The following NLGN1 variants were observed in gnomAD, a reference collection of about 807,000 sequenced individuals.
The protein encoded by NLGN1 is neuroligin-1.
Under a neutral mutation model 65.5 loss-of-function variants are expected in NLGN1, and 12 were observed. That is an observed-to-expected ratio of 0.18 (90% confidence interval 0.12 to 0.30). The LOEUF is 0.30. NLGN1 is among the 10% of genes least tolerant of loss of function. The pLI, the probability that NLGN1 is intolerant of heterozygous loss-of-function variation, is 1.00. For missense variants in NLGN1, 750 were observed against 1,007.1 expected (o/e 0.74, Z 3.46); for synonymous variants, 350 against 359.5 (o/e 0.97, Z 0.30).
intron 3 of NLGN1, among the ~76,000 whole-genome samples, chr3:173,794,123 C>T (rs147314620): frequency 6.6e-6 from 1 of 152,100 alleles, no homozygotes; most frequent in Admixed American, 6.6e-5. Flanking sequence ...AGCCCTTTGC[C>T]TGCCTGGTGT....
intron 4 of NLGN1, among the ~76,000 whole-genome samples, chr3:174,197,926 A>T (rs1372828090): frequency 6.6e-6 from 1 of 152,102 alleles, no homozygotes; most frequent in Non-Finnish European, 1.5e-5. Context: ...ACGATCTAGT[A>T]TTGACATTTT....
At chr3:173,968,612 C>A (rs1428134685) in intron 4 of NLGN1, among the ~76,000 whole-genome samples, 1 of 149,930 alleles carries the variant, frequency 6.7e-6, no homozygotes, top group Non-Finnish European at 1.5e-5. Context: ...GAGTCCTAAG[C>A]TTTCTGGAAA....
Position 174,158,990 on chromosome 3 carries a change from C to T in NLGN1, c.647-116325C>T, listed in dbSNP as rs999461779. 1.6e-4 allele frequency among the ~76,000 whole-genome samples: 25 copies of T among 151,526 alleles called. No homozygotes were observed. In the East Asian group the frequency reaches 4.1e-3, roughly 25 times the overall value. On this transcript the variant is annotated intron_variant, in intron 4 of 6. Transcript: ENST00000457714. ...TCAAAAATTGTGTTTTTGCAGTCTT[C>T]GAGATGTACAAAATGAAAAGATACA...
At position 173,604,282 on chromosome 3, in the gene NLGN1, A is replaced by G. The variant is rs1299898194; in HGVS notation, c.-317A>G. 1 of 313,956 alleles carries G rather than the reference A, an allele frequency of 3.2e-6. No homozygotes were observed. Among genetic ancestry groups the G allele is most frequent in the Non-Finnish European group, 5.9e-6 (1 of 169,634 alleles). The allele number at this position is 313,956 out of a possible 1,614,324, so 19.4% of individuals were successfully genotyped here. On this transcript the variant is annotated 5_prime_UTR_variant, in exon 3 of 7. The change creates a new upstream start codon in the 5' untranslated region. Transcript: ENST00000457714. Reference sequence around the variant, plus strand: ...GATTTATTTTCATTTTTTCTAGGATATAGACCTGCAGCTAACTGGATTTGA... The same window carrying G: ...GATTTATTTTCATTTTTTCTAGGATGTAGACCTGCAGCTAACTGGATTTGA...
rs527345850 is a variant in NLGN1 at position 173,449,396 on chromosome 3, G to C, written c.-321+14318G>C. On this transcript the variant is annotated intron_variant, in intron 2 of 6. Coordinates refer to ENST00000457714, the Ensembl canonical transcript of NLGN1. The stretch of plus-strand genomic sequence containing the variant: ...TTTTGAGTGAGTTTCTTAATCCTGA[G>C]TTCTAGTTTGATTGCACTGTGGTCT... Among the ~76,000 whole-genome samples, 20 of 152,228 alleles carry C rather than the reference G, an allele frequency of 1.3e-4. No individual in the cohort carries two copies. In the South Asian group the frequency reaches 4.1e-3, roughly 32 times the overall value.
rs1428072088 is a variant in NLGN1, at chr3:173,607,538, TA to T, written c.493+2450del. Among the ~76,000 whole-genome samples the T allele has an allele frequency of 4.7e-4, 72 of 151,828 alleles. 1 individual carries two copies. In the South Asian group the frequency reaches 7.7e-3, roughly 16 times the overall value. On this transcript the variant is annotated intron_variant, in intron 3 of 6. Coordinates refer to ENST00000457714, the Ensembl canonical transcript of NLGN1. Reference sequence around the variant, plus strand: ...TAGTATTTTTAAAATAAACAAAAACTAAAGTTTAGAGTTTAGCTTTTAACTA... The same window carrying T: ...TAGTATTTTTAAAATAAACAAAAACTAAGTTTAGAGTTTAGCTTTTAACTA...
chr3:174,291,092 CAT>C (rs1223576517), downstream of NLGN1, among the ~76,000 whole-genome samples: 3 of 148,488 alleles, frequency 2.0e-5, no homozygotes, highest in Non-Finnish European at 4.5e-5. Flanking sequence ...CTTTAAGAGA[CAT>C]AGAAAAATTT....
At chr3:174,266,286 C>G (rs1748223200) in intron 4 of NLGN1, among the ~76,000 whole-genome samples, 1 of 152,104 alleles carries the variant, frequency 6.6e-6, no homozygotes, top group South Asian at 2.1e-4. Context: ...TTAACCTCCA[C>G]TTACAGGTGA....
intron 4 of NLGN1, among the ~76,000 whole-genome samples, chr3:174,209,681 G>A (rs1736091482): frequency 7.8e-6 from 1 of 128,954 alleles, no homozygotes; most frequent in Admixed American, 9.6e-5. Flanking sequence ...CACCCAGGCT[G>A]GAGTGTAGTG....
chr3:174,287,292 CAA>C (rs35880834), downstream of NLGN1, among the ~76,000 whole-genome samples: 31,456 of 150,958 alleles, frequency 0.21, 3,384 homozygotes, highest in Middle Eastern at 0.28. Context: ...AAGAATACAG[CAA>C]AGAGGACATC....
intron 4 of NLGN1, among the ~76,000 whole-genome samples, chr3:174,171,169 C>A (rs1257259642): frequency 6.6e-6 from 1 of 152,004 alleles, no homozygotes; most frequent in African/African-American, 2.4e-5. Context: ...AGTAATAAAT[C>A]AAATATTTTT....
chr3:173,965,605 A>G (rs1459396836), intron 4 of NLGN1, among the ~76,000 whole-genome samples: 2 of 151,640 alleles, frequency 1.3e-5, no homozygotes, highest in African/African-American at 2.4e-5. Flanking sequence ...GACGTGAGCC[A>G]CCCAACGCGC....
At chr3:174,110,631 G>A (rs1316760084) in intron 4 of NLGN1, among the ~76,000 whole-genome samples, 1 of 151,872 alleles carries the variant, frequency 6.6e-6, no homozygotes, top group Non-Finnish European at 1.5e-5. Flanking sequence ...ATATTCCAAT[G>A]TACAAAGAAG....
chr3:174,131,500 C>A (rs1720183296), intron 4 of NLGN1, among the ~76,000 whole-genome samples: 2 of 152,076 alleles, frequency 1.3e-5, no homozygotes, highest in Admixed American at 1.3e-4. Context: ...ACTCTCTGAA[C>A]TTCAGTTTTC....
intron 2 of NLGN1, among the ~76,000 whole-genome samples, chr3:173,592,503 C>A (rs114699737): frequency 1.3e-5 from 2 of 152,110 alleles, no homozygotes; most frequent in African/African-American, 4.8e-5. Flanking sequence ...TCTATGCACA[C>A]GCCTACATGA....
intron 3 of NLGN1, among the ~76,000 whole-genome samples, chr3:173,777,631 G>GTCTA (rs747269015): frequency 0.041 from 1,476 of 35,938 alleles, 9 homozygotes; most frequent in East Asian, 0.077. Context: ...CTGTCTGTCT[G>GTCTA]TCTATCTATC....
chr3:174,125,878 C>T (rs1718839048), intron 4 of NLGN1, among the ~76,000 whole-genome samples: 4 of 152,072 alleles, frequency 2.6e-5, no homozygotes, highest in Admixed American at 2.6e-4. Context: ...TCAGAAACTA[C>T]TATGCGGTTA....
chr3:174,278,803 T>G, intron 5 of NLGN1, 58 bp from the exon 6 acceptor site: 2 of 1,299,680 alleles, frequency 1.5e-6, no homozygotes, highest in Non-Finnish European at 2.1e-6. Flanking sequence ...CAGATGTTAT[T>G]GTTTTACCAC....
intron 3 of NLGN1, among the ~76,000 whole-genome samples, chr3:173,799,986 T>C (rs984253121): frequency 8.4e-5 from 12 of 143,396 alleles, no homozygotes; most frequent in African/African-American, 3.1e-4. Context: ...CTGTTTACTT[T>C]TTTGTATGCA....
Sources: gnomAD v4.1 joint callset for allele counts (sites outside exome capture counted in the v4.1 genomes callset) on GRCh38, gnomAD v4.1.1 for gene constraint, MANE v1.5 for transcripts, NCBI Gene and HGNC (gene_info 2026-07-23, HGNC 2026-07-21) for gene names.